PRAME: variants seen among roughly 807,000 people sequenced by gnomAD.
The protein encoded by PRAME is PRAME nuclear receptor transcriptional regulator.
A neutral mutation model predicts 32.1 loss-of-function variants in PRAME; 21 were observed. The observed-to-expected ratio is 0.65, with a 90% CI of 0.46 to 0.94. The LOEUF (loss-of-function observed/expected upper bound fraction) is 0.94. PRAME is among the 40% of genes least tolerant of loss of function. The pLI is 0.00. For missense variants in PRAME, 651 were observed against 622.3 expected (o/e 1.05, Z -0.49); for synonymous variants, 274 against 251.5 (o/e 1.09, Z -0.85).
At chr22:22,551,505 T>A (rs1042966775) in intron 3 of PRAME, among the ~76,000 whole-genome samples, 2 of 151,740 alleles carry the variant, frequency 1.3e-5, no homozygotes, top group Non-Finnish European at 2.9e-5. Flanking sequence ...CTCCAACAAA[T>A]AAGCCAGATG....
At chr22:22,551,633 A>AT (rs2062575392) in intron 3 of PRAME, among the ~76,000 whole-genome samples, 4 of 107,178 alleles carry the variant, frequency 3.7e-5, no homozygotes, top group African/African-American at 1.1e-4. Flanking sequence ...TGGAAGTACA[A>AT]TAAAAAAAAA....
At chr22:22,552,961 G>C (rs559124131) in intron 3 of PRAME, 2 of 470,546 alleles carry the variant, frequency 4.3e-6, no homozygotes, top group Non-Finnish European at 8.8e-6. Context: ...GCTGCCAACG[G>C]AAGAGCCAAA....
chr22:22,553,818 T>C lies in PRAME; in HGVS notation c.22-2729A>G, dbSNP rs189152753. The stretch of plus-strand genomic sequence containing the variant: ...GCACACATCCCTGCAATTAAAGAAG[T>C]TGTCAGAAGACCTTCTCTTTATGGT... On this transcript the variant is annotated intron_variant, in intron 3 of 5. Coordinates refer to ENST00000405655, the MANE Select transcript of PRAME (RefSeq NM_206956.3). 283 of 985,164 alleles carry C rather than the reference T, an allele frequency of 2.9e-4. 1 individual carries two copies. In the African/African-American group the frequency reaches 4.2e-3, roughly 15 times the overall value. 61.0% of individuals were successfully genotyped at this position (985,164 alleles called of 1,614,324 possible). A position where few individuals can be genotyped will look rare whatever the true frequency, so the allele number is the denominator to read the frequency against.
intron 3 of PRAME, among the ~76,000 whole-genome samples, chr22:22,556,271 G>C (rs1334192798): frequency 6.6e-6 from 1 of 151,926 alleles, no homozygotes; most frequent in East Asian, 2.0e-4. Flanking sequence ...CCATGGTACT[G>C]GGATTGGGAT....
rs1309225378 is a variant in PRAME, at chr22:22,559,058, GT to G, written c.-202del. The G allele has an allele frequency of 5.6e-6, 1 of 180,080 alleles. No homozygotes were observed. Among genetic ancestry groups the G allele is most frequent in the Non-Finnish European group, 1.1e-5 (1 of 87,708 alleles). The allele number at this position is 180,080 out of a possible 1,614,324, so 11.2% of individuals were successfully genotyped here. ...GCGCATGCTCCCCTCGACTCCCCGTGTTTCCACTCTCCACAGAAATCCACGC... is the reference window on the plus strand; with the variant it reads ...GCGCATGCTCCCCTCGACTCCCCGTGTTCCACTCTCCACAGAAATCCACGC... On this transcript the variant is annotated 5_prime_UTR_variant, in exon 1 of 6. It removes the in-frame stop codon of an upstream open reading frame in the 5' UTR. Transcript: ENST00000405655.
At chr22:22,551,128 C>A in intron 3 of PRAME, 39 bp from the exon 4 acceptor site, 2 of 1,507,106 alleles carry the variant, frequency 1.3e-6, no homozygotes, top group Non-Finnish European at 1.8e-6. Context: ...CCCTTTCAGC[C>A]CAAGCATAAG....
intron 3 of PRAME, among the ~76,000 whole-genome samples, chr22:22,552,280 TA>T (rs201241243): frequency 2.2e-4 from 33 of 150,228 alleles, no homozygotes; most frequent in African/African-American, 7.8e-4. Flanking sequence ...ACCTTGTAGT[TA>T]AAAAAAAGCC....
chr22:22,555,684 A>C (rs1019111190), intron 3 of PRAME, among the ~76,000 whole-genome samples: 2 of 151,928 alleles, frequency 1.3e-5, no homozygotes, highest in African/African-American at 4.8e-5. Context: ...ACGGTCCCAC[A>C]GTCCAACGCA....
At chr22:22,554,107 T>G (rs1035481728) in intron 3 of PRAME, 29 of 984,646 alleles carry the variant, frequency 2.9e-5, no homozygotes, top group Non-Finnish European at 3.4e-5. Flanking sequence ...CACAAAAAAT[T>G]GAAGTTATAT....
intron 2 of PRAME, 71 bp from the exon 3 acceptor site, chr22:22,556,980 G>T: frequency 9.8e-7 from 1 of 1,018,136 alleles, no homozygotes; most frequent in Non-Finnish European, 1.5e-6. Context: ...ACGGCCTCCT[G>T]TGAAAACCTC....
chr22:22,556,003 T>C, intron 3 of PRAME: 1 of 423,686 alleles, frequency 2.4e-6, no homozygotes, highest in Non-Finnish European at 5.1e-6. Context: ...ATTTTTTTTT[T>C]TTTTTTGGAG....
chr22:22,551,985 T>G (rs978587605), intron 3 of PRAME, among the ~76,000 whole-genome samples: 6 of 151,396 alleles, frequency 4.0e-5, no homozygotes, highest in African/African-American at 1.5e-4. Context: ...ACTAGATATC[T>G]TGAAAAAGCC....
chr22:22,551,784 G>C (rs555490199), intron 3 of PRAME, among the ~76,000 whole-genome samples: 1 of 151,968 alleles, frequency 6.6e-6, no homozygotes, highest in East Asian at 2.0e-4. Context: ...TTTTAAAATG[G>C]AGAAATAAAA....
intron 3 of PRAME, chr22:22,555,910 T>C (rs552634032): frequency 1.2e-4 from 55 of 470,542 alleles, no homozygotes; most frequent in African/African-American, 1.1e-3. Context: ...CCACTGGAAG[T>C]GTGGGCTTTT....
In PRAME at chr22:22,547,928, T is replaced by C; in HGVS notation, c.*139A>G. On this transcript the variant is annotated 3_prime_UTR_variant, in exon 6 of 6. Transcript: ENST00000405655. ...TCACTGAACATTTGTCTGAATGTTTTTTCCTCACTGAACATGTTTTCCTCA... is the reference window on the plus strand; with the variant it reads ...TCACTGAACATTTGTCTGAATGTTTCTTCCTCACTGAACATGTTTTCCTCA... The C allele has an allele frequency of 1.0e-6, 1 of 973,376 alleles. No homozygotes were observed. The allele number at this position is 973,376 out of a possible 1,614,324, so 60.3% of individuals were successfully genotyped here.
Position 22,556,797 on chromosome 22 carries a change from A to G in PRAME, c.21+15T>C. On this transcript the variant is annotated intron_variant, in intron 3 of 5. Coordinates refer to ENST00000405655, the MANE Select transcript of PRAME (RefSeq NM_206956.3). Reference sequence around the variant, plus strand: ...CTTCTCTGAGCACCTCAGACAGCTCAGGGGACCTTCTTACCCACAAACGCC... The same window carrying G: ...CTTCTCTGAGCACCTCAGACAGCTCGGGGGACCTTCTTACCCACAAACGCC... 6.2e-7 allele frequency: 1 copy of G among 1,612,660 alleles called. No homozygotes were observed. Among genetic ancestry groups the G allele is most frequent in the African/African-American group, 1.3e-5 (1 of 74,948 alleles).
chr22:22,555,993 ATTT>A (rs113693405), intron 3 of PRAME: 7,489 of 326,108 alleles, frequency 0.023, no homozygotes, highest in South Asian at 0.04. Context: ...ATGCATTAAG[ATTT>A]TTTTTTTTTT....
chr22:22,550,628 C>T, intron 4 of PRAME, 139 bp downstream of exon 4: 2 of 1,023,768 alleles, frequency 2.0e-6, no homozygotes, highest in Non-Finnish European at 2.8e-6. Flanking sequence ...CCTGCAGTAG[C>T]CCCAAGGCCT....
intron 3 of PRAME, 57 bp from the exon 4 acceptor site, chr22:22,551,146 A>C: frequency 6.8e-7 from 1 of 1,466,216 alleles, no homozygotes; most frequent in Non-Finnish European, 9.2e-7. Context: ...AAGCAACTCT[A>C]TCTTTTCCTC....
Sources: gnomAD v4.1 joint callset for allele counts (sites outside exome capture counted in the v4.1 genomes callset) on GRCh38, gnomAD v4.1.1 for gene constraint, MANE v1.5 for transcripts, NCBI Gene and HGNC (gene_info 2026-07-23, HGNC 2026-07-21) for gene names.